TTBK2: variants seen among roughly 807,000 people sequenced by gnomAD.
TTBK2 encodes the protein tau tubulin kinase 2.
A neutral mutation model predicts 110.8 loss-of-function variants in TTBK2; 28 were observed. That is an observed-to-expected ratio of 0.25 (90% CI 0.19 to 0.35). The LOEUF is 0.35. Ranked by LOEUF, TTBK2 falls within the 10% of genes least tolerant of loss-of-function variation. The pLI, the probability that TTBK2 is intolerant of heterozygous loss-of-function variation, is 1.00. For synonymous variants in TTBK2, 532 were observed against 527.3 expected (o/e 1.01, Z -0.12); for missense variants, 1,369 against 1,500.3 (o/e 0.91, Z 1.45).
intron 1 of TTBK2, among the ~76,000 whole-genome samples, chr15:42,901,917 A>G (rs1427747321): frequency 6.6e-6 from 1 of 152,156 alleles, no homozygotes; most frequent in Non-Finnish European, 1.5e-5. Flanking sequence ...GGAAATGCAA[A>G]TCAAAACCAC....
chr15:42,920,397 G>C (rs1244475048), intron 1 of TTBK2, 41 bp downstream of exon 1: 1 of 152,754 alleles, frequency 6.5e-6, no homozygotes, highest in Non-Finnish European at 1.5e-5. Flanking sequence ...GTCGAGACTG[G>C]GGGAGGGCGG....
intron 1 of TTBK2, among the ~76,000 whole-genome samples, chr15:42,884,251 G>A (rs1895159496): frequency 6.6e-6 from 1 of 152,136 alleles, no homozygotes; most frequent in African/African-American, 2.4e-5. Context: ...GAATACAGAA[G>A]CTAAAACAGT....
chr15:42,794,570 T>C (rs981148835), intron 10 of TTBK2, 74 bp downstream of exon 10: 1 of 1,604,160 alleles, frequency 6.2e-7, no homozygotes, highest in Non-Finnish European at 8.5e-7. Context: ...TCTGAGGGAA[T>C]CTGGATGAAG....
At chr15:42,753,375 C>T in intron 13 of TTBK2, 128 bp from the exon 14 acceptor site, 1 of 956,760 alleles carries the variant, frequency 1.0e-6, no homozygotes, top group East Asian at 2.6e-5. Context: ...GTCTGCCCAA[C>T]TTATAAGAAA....
At position 42,775,239 on chromosome 15, in the gene TTBK2, G is replaced by A; in HGVS notation, c.1894C>T (p.Gln632Ter). 2 of 1,614,220 alleles carry A rather than the reference G, an allele frequency of 1.2e-6. No individual in the cohort carries two copies. The highest frequency in any genetic ancestry group is 1.7e-6 in the Non-Finnish European group (2 of 1,180,032). The change falls in exon 13 of 15, where the codon CAA (glutamine) becomes TAA (stop). Residue 632 changes from glutamine (Q) to a stop codon, truncating the protein, a stop_gained. Transcript: ENST00000267890. LOFTEE classifies it high-confidence loss of function. The stretch of plus-strand genomic sequence containing the variant: ...TGGAGTTCCAGCCTATCTGTATATT[G>A]TTCTGAAGCAGCAGTAGGAGGACCC... ...AEGPPTAASEQYTDRLELQPG... is the reference protein window; with the variant it reads ...AEGPPTAASE
chr15:42,837,357 CAAAA>C (rs962772134), intron 4 of TTBK2, among the ~76,000 whole-genome samples: 2 of 56,318 alleles, frequency 3.6e-5, no homozygotes, highest in Non-Finnish European at 3.5e-5. Flanking sequence ...GACTCCATCT[CAAAA>C]AAAAAAAAAA....
chr15:42,801,156 G>A lies in TTBK2; in HGVS notation c.823-6355C>T, dbSNP rs551583073. On this transcript the variant is annotated intron_variant, in intron 9 of 14. Coordinates refer to ENST00000267890, the MANE Select transcript of TTBK2 (RefSeq NM_173500.4). ...CCCATAGGCCAAGCTCTGACCACCT[G>A]CATAGCTGCTGGTGGTCTTCATATG... 5.9e-5 allele frequency: 72 copies of A among 1,215,158 alleles called. No homozygotes were observed. The African/African-American group carries it at 9.2e-4, about 16-fold the overall frequency. 75.3% of individuals were successfully genotyped at this position (1,215,158 alleles called of 1,614,324 possible). A position where few individuals can be genotyped will look rare whatever the true frequency, so the allele number is the denominator to read the frequency against.
intron 9 of TTBK2, chr15:42,801,368 G>A (rs1224634470): frequency 6.8e-7 from 1 of 1,471,726 alleles, no homozygotes; most frequent in African/African-American, 1.4e-5. Context: ...GCTTGGCATT[G>A]GCATCCTTAA....
chr15:42,821,866 A>G (rs1447281196), intron 6 of TTBK2, among the ~76,000 whole-genome samples: 2 of 151,312 alleles, frequency 1.3e-5, no homozygotes, highest in African/African-American at 4.9e-5. Flanking sequence ...AATTTTTTGT[A>G]TTTTTAGTAG....
chr15:42,790,876 GT>G (rs1044245684), intron 10 of TTBK2, among the ~76,000 whole-genome samples: 1 of 150,968 alleles, frequency 6.6e-6, no homozygotes, highest in East Asian at 2.0e-4. Flanking sequence ...ATTTTTGTGT[GT>G]TTTTTTTGTT....
intron 3 of TTBK2, among the ~76,000 whole-genome samples, chr15:42,858,686 T>A (rs748477478): frequency 3.9e-5 from 6 of 152,172 alleles, no homozygotes; most frequent in Non-Finnish European, 8.8e-5. Flanking sequence ...GAAAGAGAGA[T>A]GGGCAGACAC....
chr15:42,846,245 A>G (rs1893461249), intron 3 of TTBK2, among the ~76,000 whole-genome samples: 1 of 148,776 alleles, frequency 6.7e-6, no homozygotes, highest in South Asian at 2.1e-4. Context: ...GCTGGAGTGC[A>G]GTGGACTGAT....
chr15:42,901,255 G>A (rs573769722), intron 1 of TTBK2, among the ~76,000 whole-genome samples: 57 of 151,956 alleles, frequency 3.8e-4, no homozygotes, highest in Non-Finnish European at 7.4e-4. Context: ...CCAGCTACTC[G>A]GAAGGCTGAG....
At chr15:42,798,049 A>G (rs904894517) in intron 9 of TTBK2, among the ~76,000 whole-genome samples, 1 of 151,882 alleles carries the variant, frequency 6.6e-6, no homozygotes, top group Non-Finnish European at 1.5e-5. Context: ...ATGCCCAGCT[A>G]ATTTTTGTAT....
intron 9 of TTBK2, among the ~76,000 whole-genome samples, chr15:42,799,019 G>C (rs1364438741): frequency 6.6e-6 from 1 of 152,026 alleles, no homozygotes; most frequent in Non-Finnish European, 1.5e-5. Context: ...GGGGCATTTC[G>C]GATTTTCGAT....
At chr15:42,843,745 A>G (rs1437468355) in intron 3 of TTBK2, among the ~76,000 whole-genome samples, 1 of 133,684 alleles carries the variant, frequency 7.5e-6, no homozygotes, top group African/African-American at 3.0e-5. Context: ...GGCGACAGAG[A>G]GAGACTTGGT....
intron 3 of TTBK2, among the ~76,000 whole-genome samples, chr15:42,850,353 T>G (rs1488596616): frequency 1.3e-5 from 2 of 152,178 alleles, no homozygotes; most frequent in Non-Finnish European, 2.9e-5. Context: ...TACATTAAGT[T>G]CAGGCTGGGG....
At position 42,783,400 on chromosome 15, in the gene TTBK2, G is replaced by A. The variant is rs753530894; in HGVS notation, c.1197+19C>T. On this transcript the variant is annotated intron_variant, in intron 11 of 14. Coordinates refer to ENST00000267890, the MANE Select transcript of TTBK2 (RefSeq NM_173500.4). ...GAACTGTAAGAAATAAATTTCTGTT[G>A]TTTATAAGGTACTCATACCTTACAA... The A allele has an allele frequency of 6.2e-7, 1 of 1,604,230 alleles. No homozygotes were observed. Among genetic ancestry groups the A allele is most frequent in the Admixed American group, 1.7e-5 (1 of 60,010 alleles).
intron 3 of TTBK2, among the ~76,000 whole-genome samples, chr15:42,858,224 T>C (rs1894021782): frequency 6.6e-6 from 1 of 152,192 alleles, no homozygotes; most frequent in South Asian, 2.1e-4. Context: ...TCTCCACAGA[T>C]TCTCTGACTA....
Sources: allele counts gnomAD v4.1 joint callset (sites outside exome capture counted in the v4.1 genomes callset), GRCh38; gene constraint gnomAD v4.1.1; transcripts MANE v1.5; gene names NCBI Gene and HGNC (gene_info 2026-07-23, HGNC 2026-07-21).